The following EYA1 variants were observed in gnomAD, a reference collection of about 807,000 sequenced individuals.
EYA1 encodes the protein EYA transcriptional coactivator and phosphatase 1.
In EYA1, 16 loss-of-function variants were observed where a neutral mutation model predicts 82.0. That is an observed-to-expected ratio of 0.20 (90% confidence interval 0.13 to 0.30). The LOEUF (loss-of-function observed/expected upper bound fraction) is 0.30, where lower values mean the gene tolerates loss of function less well. Ranked by LOEUF, EYA1 falls within the 10% of genes least tolerant of loss-of-function variation. The probability of loss-of-function intolerance (pLI) is 1.00; values close to 1 mark genes in which losing one functional copy is unlikely to be tolerated. For synonymous variants in EYA1, 261 were observed against 264.4 expected (o/e 0.99, Z 0.12); for missense variants, 633 against 730.7 (o/e 0.87, Z 1.54).
intron 2 of EYA1, among the ~76,000 whole-genome samples, chr8:71,367,595 CAGA>C (rs1470379671): frequency 6.7e-6 from 1 of 149,516 alleles, no homozygotes; most frequent in Non-Finnish European, 1.5e-5. Flanking sequence ...CTGTTTTAGA[CAGA>C]AGGTCAGAAT....
chr8:71,410,462 T>C (rs1411018123), intron 2 of EYA1, among the ~76,000 whole-genome samples: 47 of 89,760 alleles, frequency 5.2e-4, no homozygotes, highest in African/African-American at 1.7e-3. Context: ...GACGACATGA[T>C]TGTTTATCTA....
At position 71,390,529 on chromosome 8, in the gene EYA1, G is replaced by A. The variant is rs529398710; in HGVS notation, c.34-34018C>T. ...CCTCCCACCTGGGCCTCCCAAAGAG[G>A]TGAGTCAACATGCCTAGCAATTCAT... On this transcript the variant is annotated intron_variant, in intron 2 of 18. Coordinates refer to the EYA1 transcript ENST00000643681. Among the ~76,000 whole-genome samples, 10 of 152,224 alleles carry A rather than the reference G, an allele frequency of 6.6e-5. No individual in the cohort carries two copies. The East Asian group carries it at 1.2e-3, about 18-fold the overall frequency.
At chr8:71,382,643 A>G (rs1828770080) in intron 2 of EYA1, among the ~76,000 whole-genome samples, 1 of 152,106 alleles carries the variant, frequency 6.6e-6, no homozygotes, top group African/African-American at 2.4e-5. Flanking sequence ...TTGACTAGTA[A>G]AGGATATATA....
intron 2 of EYA1, among the ~76,000 whole-genome samples, chr8:71,436,184 T>C (rs1805995138): frequency 6.6e-6 from 1 of 152,016 alleles, no homozygotes; most frequent in Non-Finnish European, 1.5e-5. Flanking sequence ...TACATAAAAG[T>C]CACCTATAAA....
At chr8:71,330,727 T>A (rs758983009) in intron 4 of EYA1, among the ~76,000 whole-genome samples, 3 of 152,200 alleles carry the variant, frequency 2.0e-5, no homozygotes, top group Non-Finnish European at 4.4e-5. Flanking sequence ...ATGCTTGTAA[T>A]TTTTTAATTT....
At chr8:71,540,954 A>C (rs770246761) in intron 1 of EYA1, among the ~76,000 whole-genome samples, 13 of 152,188 alleles carry the variant, frequency 8.5e-5, no homozygotes, top group Admixed American at 3.3e-4. Flanking sequence ...GGGGTTTCTA[A>C]GAAAATTTAC....
chr8:71,498,361 T>G (rs1811573597), intron 2 of EYA1, among the ~76,000 whole-genome samples: 1 of 152,212 alleles, frequency 6.6e-6, no homozygotes, highest in African/African-American at 2.4e-5. Context: ...CTAAAGACTC[T>G]TAAATCCAAT....
intron 9 of EYA1, among the ~76,000 whole-genome samples, chr8:71,291,005 A>G (rs17783803): frequency 0.05 from 7,597 of 152,308 alleles, 238 homozygotes; most frequent in Middle Eastern, 0.078. Flanking sequence ...AACAAATTGC[A>G]AACTTTTCCA....
chr8:71,473,939 TAAAACAGGAACAG>T (rs1809439904), intron 2 of EYA1, among the ~76,000 whole-genome samples: 1 of 151,818 alleles, frequency 6.6e-6, no homozygotes, highest in Admixed American at 6.6e-5. Flanking sequence ...CTCAGCAAAC[TAAAACAGGAACAG>T]AAAACAAAAC....
At chr8:71,268,224 T>G (rs901434705) in intron 11 of EYA1, among the ~76,000 whole-genome samples, 1 of 152,180 alleles carries the variant, frequency 6.6e-6, no homozygotes, top group Non-Finnish European at 1.5e-5. Flanking sequence ...TAGGAGACTT[T>G]CTGGGTGGTT....
At chr8:71,457,658 A>C (rs12543615) in intron 2 of EYA1, among the ~76,000 whole-genome samples, 17,512 of 152,166 alleles carry the variant, frequency 0.12, 1,848 homozygotes, top group East Asian at 0.47. Flanking sequence ...AACTATCACA[A>C]GGACAAAAAA....
chr8:71,326,322 CTT>C (rs1332388810), intron 4 of EYA1, among the ~76,000 whole-genome samples: 2 of 152,130 alleles, frequency 1.3e-5, no homozygotes, highest in Non-Finnish European at 2.9e-5. Flanking sequence ...AGTTTTGACT[CTT>C]CTCTTTCCCT....
At chr8:71,514,802 C>A (rs2129259663) in intron 2 of EYA1, among the ~76,000 whole-genome samples, 1 of 152,288 alleles carries the variant, frequency 6.6e-6, no homozygotes, top group South Asian at 2.1e-4. Flanking sequence ...CAAACCATAT[C>A]AACTATCAAT....
rs71525121 is a variant in EYA1 at position 71,290,584 on chromosome 8, C to G, written c.826+8463G>C. Among the ~76,000 whole-genome samples, 1,035 of 152,170 alleles carry G rather than the reference C, an allele frequency of 6.8e-3. 8 individuals are homozygous for G. The highest frequency in any genetic ancestry group is 0.011 in the Non-Finnish European group (747 of 68,000). ...AAACTGACTCTATAAGGCATCCTGA[C>G]ATATGGCTAAGTAATTGAAAAAATT... On this transcript the variant is annotated intron_variant, in intron 9 of 17. Transcript: ENST00000340726.
At chr8:71,458,135 T>C (rs1488765627) in intron 2 of EYA1, among the ~76,000 whole-genome samples, 1 of 152,108 alleles carries the variant, frequency 6.6e-6, no homozygotes, top group African/African-American at 2.4e-5. Flanking sequence ...CTTTTAAATA[T>C]AGAAAATAGA....
At chr8:71,347,513 G>A (rs1279416695) in intron 3 of EYA1, among the ~76,000 whole-genome samples, 4 of 151,878 alleles carry the variant, frequency 2.6e-5, no homozygotes, top group African/African-American at 7.3e-5. Flanking sequence ...TAGTAGAGAC[G>A]GGGTTTCACC....
intron 12 of EYA1, among the ~76,000 whole-genome samples, chr8:71,237,904 C>A (rs1445412): frequency 0.34 from 52,239 of 151,892 alleles, 9,457 homozygotes; most frequent in African/African-American, 0.42. Context: ...ATAACTAACA[C>A]CCAGATGAAG....
chr8:71,540,992 G>A (rs773755550), intron 1 of EYA1, among the ~76,000 whole-genome samples: 3 of 152,144 alleles, frequency 2.0e-5, no homozygotes, highest in Admixed American at 6.5e-5. Flanking sequence ...GAAATGAACC[G>A]TTGGATAAAT....
chr8:71,317,596 C>T lies in EYA1; in HGVS notation c.512G>A (p.Ser171Asn), dbSNP rs759221073. ...TGGTGCCTGTCCAGGTTGAGGGGTA[C>T]TGAAGCTTGTGCCATAGCTGAGAAA... ...TGFLSYGTSF[S>N]TPQPGQAPYS... The change falls in exon 7 of 18, where the codon AGT becomes AAT. Residue 171 changes from serine (S) to asparagine (N), a missense_variant. Coordinates refer to ENST00000340726, the MANE Select transcript of EYA1 (RefSeq NM_000503.6). 4.3e-6 allele frequency: 7 copies of T among 1,614,112 alleles called. No individual in the cohort carries two copies. Among genetic ancestry groups the T allele is most frequent in the Non-Finnish European group, 4.2e-6 (5 of 1,179,998 alleles).
Sources: gnomAD v4.1 joint callset for allele counts (sites outside exome capture counted in the v4.1 genomes callset) on GRCh38, gnomAD v4.1.1 for gene constraint, MANE v1.5 for transcripts, NCBI Gene and HGNC (gene_info 2026-07-23, HGNC 2026-07-21) for gene names.